Variants in MYOM2 observed in about 807,000 individuals in gnomAD.
MYOM2 encodes myomesin 2, also known as myomesin-2.
Under a neutral mutation model 187.6 loss-of-function variants are expected in MYOM2, and 254 were observed. The observed-to-expected ratio is 1.35, with a 90% CI of 1.22 to 1.50. MYOM2 has a LOEUF of 1.50. Ranked by LOEUF, MYOM2 falls within the 40% of genes most tolerant of loss-of-function variation. The pLI is 0.00. For missense variants in MYOM2, 2,796 were observed against 1,924.0 expected (o/e 1.45, Z -8.48); for synonymous variants, 981 against 753.8 (o/e 1.30, Z -4.94).
intron 14 of MYOM2, 58 bp downstream of exon 14, chr8:2,085,448 T>G: frequency 6.3e-7 from 1 of 1,582,314 alleles, no homozygotes; most frequent in Non-Finnish European, 8.6e-7. Context: ...CCCACTGTCA[T>G]GATCTCTGCG....
At chr8:2,100,093 C>CTTTCTTCT (rs1330327775) in intron 19 of MYOM2, among the ~76,000 whole-genome samples, 1 of 87,554 alleles carries the variant, frequency 1.1e-5, no homozygotes, top group African/African-American at 4.8e-5. Context: ...TCTTTCCTTC[C>CTTTCTTCT]TTCCTTCCTT....
intron 6 of MYOM2, among the ~76,000 whole-genome samples, chr8:2,061,819 C>T (rs35921909): frequency 0.052 from 7,857 of 152,338 alleles, 256 homozygotes; most frequent in South Asian, 0.095. Flanking sequence ...GGCTCCTTGG[C>T]CCTGCTCACA....
Position 2,124,244 on chromosome 8 carries a change from G to C in MYOM2, c.3694+27G>C, listed in dbSNP as rs138325970. Reference sequence around the variant, plus strand: ...TAAGTAAATGCCTTTTAATTTTCAAGTCATTTGGGGTGCTGAAATCACTAT... The same window carrying C: ...TAAGTAAATGCCTTTTAATTTTCAACTCATTTGGGGTGCTGAAATCACTAT... On this transcript the variant is annotated intron_variant, in intron 31 of 36. Transcript: ENST00000262113. 2.7e-3 allele frequency: 4,371 copies of C among 1,597,382 alleles called. 60 individuals carry two copies. The East Asian group carries it at 0.04, about 15-fold the overall frequency.
At chr8:2,119,906 C>A (rs1797369223) in intron 28 of MYOM2, among the ~76,000 whole-genome samples, 1 of 152,050 alleles carries the variant, frequency 6.6e-6, no homozygotes, top group East Asian at 2.0e-4. Flanking sequence ...AAAACCAGGG[C>A]AGAGCAAGCG....
chr8:2,062,977 C>T (rs531362434), intron 6 of MYOM2, among the ~76,000 whole-genome samples: 5 of 152,144 alleles, frequency 3.3e-5, no homozygotes, highest in South Asian at 2.1e-4. Context: ...TCGTTGAATC[C>T]GCCCCGGAAT....
chr8:2,084,379 T>C (rs1038762046), intron 13 of MYOM2, among the ~76,000 whole-genome samples: 5 of 152,230 alleles, frequency 3.3e-5, no homozygotes, highest in African/African-American at 7.2e-5. Context: ...GTTCAGTTCC[T>C]GGCCTGCTAC....
In MYOM2 at chr8:2,072,493, C is replaced by G. The variant is rs144856803; in HGVS notation, c.942C>G (p.Ala314=). 1 of 1,613,432 alleles carries G rather than the reference C, an allele frequency of 6.2e-7. No individual in the cohort carries two copies. Among genetic ancestry groups the G allele is most frequent in the Non-Finnish European group, 8.5e-7 (1 of 1,180,004 alleles). Reference sequence around the variant, plus strand: ...ACCTGAAGCGGGTGCAGCCGCGCGCCGAGTGGTACCGCGATGGTGAGTAGG... The same window carrying G: ...ACCTGAAGCGGGTGCAGCCGCGCGCGGAGTGGTACCGCGATGGTGAGTAGG... The part of the protein sequence containing the change: ...TPDLKRVQPR[A]EWYRDDVLLK... The change falls in exon 9 of 37, where the codon GCC becomes GCG. Residue 314 remains alanine, a synonymous_variant. Coordinates refer to ENST00000262113, the MANE Select transcript of MYOM2 (RefSeq NM_003970.4).
At chr8:2,083,469 C>G (rs4876228) in intron 13 of MYOM2, among the ~76,000 whole-genome samples, 40,124 of 150,034 alleles carry the variant, frequency 0.27, 5,427 homozygotes, top group East Asian at 0.34. Flanking sequence ...GTGCTTAGCA[C>G]CATCTCGCAT....
intron 6 of MYOM2, 21 bp downstream of exon 6, chr8:2,059,266 C>A (rs1348605188): frequency 6.2e-7 from 1 of 1,607,484 alleles, no homozygotes; most frequent in African/African-American, 1.3e-5. Flanking sequence ...GGTGGGGGCT[C>A]TGGACGCTGG....
intron 20 of MYOM2, 143 bp downstream of exon 20, chr8:2,101,197 A>C (rs745487696): frequency 1.3e-6 from 1 of 791,580 alleles, no homozygotes; most frequent in East Asian, 2.8e-5. Context: ...AATACAAAAA[A>C]ATTAGCCGGG....
At chr8:2,086,414 T>A (rs893944245) in intron 14 of MYOM2, among the ~76,000 whole-genome samples, 24 of 27,858 alleles carry the variant, frequency 8.6e-4, no homozygotes, top group Admixed American at 1.8e-3. Context: ...CTGCGTGGCC[T>A]CCCACTGTTG....
intron 32 of MYOM2, among the ~76,000 whole-genome samples, chr8:2,132,588 T>C: frequency 8.7e-6 from 1 of 114,908 alleles, no homozygotes; most frequent in East Asian, 3.2e-4. Context: ...TCTTTCTCTC[T>C]CTCTCTCTCT....
chr8:2,069,390 G>T (rs76840052), intron 7 of MYOM2, 24 bp downstream of exon 7: 2 of 1,613,830 alleles, frequency 1.2e-6, no homozygotes, highest in Non-Finnish European at 8.5e-7. Context: ...GGGCTTTCAC[G>T]GGGCACCTCC....
At chr8:2,072,012 G>T (rs575506673) in intron 8 of MYOM2, among the ~76,000 whole-genome samples, 2 of 148,428 alleles carry the variant, frequency 1.3e-5, no homozygotes. Flanking sequence ...CTGGAATTCT[G>T]GGGGGACACA....
chr8:2,125,366 C>T (rs1400836374), intron 31 of MYOM2, among the ~76,000 whole-genome samples: 1 of 152,150 alleles, frequency 6.6e-6, no homozygotes, highest in Non-Finnish European at 1.5e-5. Context: ...ATTGTGTCTT[C>T]TTGGCATCTT....
intron 17 of MYOM2, among the ~76,000 whole-genome samples, chr8:2,095,219 A>G (rs927461092): frequency 3.1e-4 from 46 of 150,582 alleles, no homozygotes; most frequent in African/African-American, 1.1e-3. Flanking sequence ...TCTCCTCTCA[A>G]TTTTTTCCAG....
intron 23 of MYOM2, among the ~76,000 whole-genome samples, chr8:2,108,317 A>C (rs1490513810): frequency 6.6e-6 from 1 of 150,738 alleles, no homozygotes; most frequent in Non-Finnish European, 1.5e-5. Context: ...ATGGTAATAC[A>C]CTATAGTGAT....
rs150872669 is a variant in MYOM2, at chr8:2,085,175, C to A, written c.1517-88C>A. 6 of 1,493,598 alleles carry A rather than the reference C, an allele frequency of 4.0e-6. No individual in the cohort carries two copies. In the South Asian group the frequency reaches 7.7e-5, roughly 19 times the overall value. 92.5% of individuals were successfully genotyped at this position (1,493,598 alleles called of 1,614,324 possible). ...AGAAACAAAACAAGTTCAACACCCA[C>A]GTGGCAGAGTCCTCCAGTGCCCCGA... On this transcript the variant is annotated intron_variant, in intron 13 of 36. Transcript: ENST00000262113.
At chr8:2,070,566 A>G (rs1819180172) in intron 8 of MYOM2, among the ~76,000 whole-genome samples, 1 of 152,152 alleles carries the variant, frequency 6.6e-6, no homozygotes, top group Non-Finnish European at 1.5e-5. Context: ...GAGTTGCCCC[A>G]GGCACTGATG....
Sources: gnomAD v4.1 joint callset for allele counts (sites outside exome capture counted in the v4.1 genomes callset) on GRCh38, gnomAD v4.1.1 for gene constraint, MANE v1.5 for transcripts, NCBI Gene and HGNC (gene_info 2026-07-23, HGNC 2026-07-21) for gene names.